SIPA1L1: variants seen among roughly 807,000 people sequenced by gnomAD.
SIPA1L1 encodes signal induced proliferation associated 1 like 1.
A neutral mutation model predicts 162.7 loss-of-function variants in SIPA1L1; 26 were observed. That is an observed-to-expected ratio of 0.16 (90% CI 0.12 to 0.22). SIPA1L1 has a LOEUF of 0.22. SIPA1L1 is among the 10% of genes least tolerant of loss of function. The pLI is 1.00. For missense variants in SIPA1L1, 1,874 were observed against 2,241.0 expected (o/e 0.84, Z 3.31); for synonymous variants, 829 against 837.4 (o/e 0.99, Z 0.17).
chr14:71,619,950 A>G (rs1232565271), intron 6 of SIPA1L1, among the ~76,000 whole-genome samples: 1 of 152,234 alleles, frequency 6.6e-6, no homozygotes, highest in East Asian at 1.9e-4. Context: ...AAAGCTAATC[A>G]TTAAGTGGTG....
At chr14:71,656,331 A>G (rs2043052051) in intron 8 of SIPA1L1, among the ~76,000 whole-genome samples, 2 of 89,598 alleles carry the variant, frequency 2.2e-5, no homozygotes, top group South Asian at 6.7e-4. Context: ...ATGAATACCA[A>G]TGACATTTTT....
chr14:71,326,782 G>C (rs1397988587), intron 2 of SIPA1L1, among the ~76,000 whole-genome samples: 1 of 129,308 alleles, frequency 7.7e-6, no homozygotes, highest in African/African-American at 3.0e-5. Context: ...CACCATCTCT[G>C]CTCACTGCAA....
At chr14:71,547,772 G>C (rs553592566) in intron 4 of SIPA1L1, among the ~76,000 whole-genome samples, 1 of 152,084 alleles carries the variant, frequency 6.6e-6, no homozygotes, top group Admixed American at 6.5e-5. Context: ...ACAGATGCTC[G>C]TGAGCTGCAC....
At chr14:71,726,640 CTG>C (rs1287521456) in intron 19 of SIPA1L1, among the ~76,000 whole-genome samples, 1 of 152,186 alleles carries the variant, frequency 6.6e-6, no homozygotes, top group African/African-American at 2.4e-5. Context: ...TATGTTGTGA[CTG>C]TATTACTGTG....
chr14:71,494,689 G>C (rs2049587393), intron 2 of SIPA1L1, among the ~76,000 whole-genome samples: 1 of 151,884 alleles, frequency 6.6e-6, no homozygotes, highest in African/African-American at 2.4e-5. Context: ...ACCTCATCCA[G>C]CTAATTTTTA....
intron 19 of SIPA1L1, among the ~76,000 whole-genome samples, chr14:71,726,502 T>C (rs2084254216): frequency 6.6e-6 from 1 of 152,250 alleles, no homozygotes; most frequent in Non-Finnish European, 1.5e-5. Context: ...CTTCATTCTT[T>C]TGATTTACTT....
intron 14 of SIPA1L1, among the ~76,000 whole-genome samples, chr14:71,700,066 T>C (rs1222390365): frequency 6.6e-6 from 1 of 152,172 alleles, no homozygotes; most frequent in Non-Finnish European, 1.5e-5. Context: ...ATACAATAAA[T>C]TGGGGATAGG....
intron 12 of SIPA1L1, among the ~76,000 whole-genome samples, chr14:71,677,555 A>G (rs1206076390): frequency 6.6e-6 from 1 of 152,174 alleles, no homozygotes; most frequent in East Asian, 1.9e-4. Flanking sequence ...GCCCTTGCGT[A>G]TGTCCTGAAT....
rs1487779087 is a variant in SIPA1L1 at position 71,735,683 on chromosome 14, C to G, written c.5123+292C>G. ...GGGCAGGTAGGAGAGACCATTTGCT[C>G]TAAGTATTCCTGTGCTCTGTGCTGT... is the stretch of plus-strand genomic sequence containing the variant. On this transcript the variant is annotated intron_variant, in intron 22 of 23. Coordinates refer to ENST00000381232, the MANE Select transcript of SIPA1L1 (RefSeq NM_001386936.1). 1.1e-5 allele frequency: 3 copies of G among 285,220 alleles called. No individual in the cohort carries two copies. In the Admixed American group the frequency reaches 1.5e-4, roughly 14 times the overall value. 17.7% of individuals were successfully genotyped at this position (285,220 alleles called of 1,614,324 possible). A position where few individuals can be genotyped will look rare whatever the true frequency, so the allele number is the denominator to read the frequency against.
At chr14:71,524,702 G>A (rs1015699429) in intron 3 of SIPA1L1, among the ~76,000 whole-genome samples, 1 of 152,114 alleles carries the variant, frequency 6.6e-6, no homozygotes, top group African/African-American at 2.4e-5. Context: ...TCCTGCCTTG[G>A]CCTCTCAAAG....
chr14:71,375,552 CTTT>C (rs1232475312), intron 2 of SIPA1L1, among the ~76,000 whole-genome samples: 2 of 152,042 alleles, frequency 1.3e-5, no homozygotes, highest in African/African-American at 2.4e-5. Context: ...GATTTTACTT[CTTT>C]ATTTCCGATC....
intron 20 of SIPA1L1, among the ~76,000 whole-genome samples, chr14:71,732,450 C>T (rs1223661798): frequency 2.6e-5 from 4 of 152,146 alleles, no homozygotes; most frequent in South Asian, 2.1e-4. Context: ...TCATGAGCGT[C>T]GTTTCCCCTG....
intron 2 of SIPA1L1, among the ~76,000 whole-genome samples, chr14:71,431,592 G>A (rs559929261): frequency 6.6e-6 from 1 of 152,246 alleles, no homozygotes; most frequent in African/African-American, 2.4e-5. Flanking sequence ...TACTTGGGAG[G>A]CTGAGGTGGG....
rs1243680930 is a variant in SIPA1L1, at chr14:71,740,703, A to G, written c.*1542A>G. 2 of 151,920 alleles carry G rather than the reference A, an allele frequency of 1.3e-5. No individual in the cohort carries two copies. Among genetic ancestry groups the G allele is most frequent in the African/African-American group, 2.4e-5 (1 of 41,342 alleles). 9.4% of individuals were successfully genotyped at this position (151,920 alleles called of 1,614,324 possible). A position where few individuals can be genotyped will look rare whatever the true frequency, so the allele number is the denominator to read the frequency against. On this transcript the variant is annotated 3_prime_UTR_variant, in exon 24 of 24. Transcript: ENST00000381232. ...TTTCATTCTTGATTGTGATTTCTCCATGGAATTTTTTTTTTCTGGTGACAT... is the reference window on the plus strand; with the variant it reads ...TTTCATTCTTGATTGTGATTTCTCCGTGGAATTTTTTTTTTCTGGTGACAT...
intron 2 of SIPA1L1, among the ~76,000 whole-genome samples, chr14:71,495,328 T>A (rs2143017642): frequency 6.6e-6 from 1 of 152,150 alleles, no homozygotes; most frequent in South Asian, 2.1e-4. Flanking sequence ...TTTCTGTTTC[T>A]TCTTGAGTTG....
At chr14:71,419,810 T>G (rs1243935595) in intron 2 of SIPA1L1, among the ~76,000 whole-genome samples, 2 of 152,144 alleles carry the variant, frequency 1.3e-5, no homozygotes, top group East Asian at 3.9e-4. Flanking sequence ...GAGGATCTCT[T>G]GAGGCAAAGA....
At position 71,672,639 on chromosome 14, in the gene SIPA1L1, A is replaced by G. The variant is rs200038992; in HGVS notation, c.3104+17A>G. 31 of 1,608,890 alleles carry G rather than the reference A, an allele frequency of 1.9e-5. No homozygotes were observed. Among genetic ancestry groups the G allele is most frequent in the Admixed American group, 3.3e-5 (2 of 59,922 alleles). On this transcript the variant is annotated intron_variant, in intron 12 of 23. Transcript: ENST00000381232. ...CCCGCGGAGGTAGGTCTGAGGAGACAGCTGTGGGCCTGAGACTCGAGTGCA... is the reference window on the plus strand; with the variant it reads ...CCCGCGGAGGTAGGTCTGAGGAGACGGCTGTGGGCCTGAGACTCGAGTGCA...
chr14:71,349,371 T>G (rs2036475390), intron 2 of SIPA1L1, among the ~76,000 whole-genome samples: 1 of 152,134 alleles, frequency 6.6e-6, no homozygotes, highest in African/African-American at 2.4e-5. Flanking sequence ...GAGAATTCCT[T>G]TATGACCATG....
At chr14:71,373,754 T>G (rs181657444) in intron 2 of SIPA1L1, among the ~76,000 whole-genome samples, 100 of 152,144 alleles carry the variant, frequency 6.6e-4, no homozygotes, top group African/African-American at 2.4e-3. Context: ...GATACCTTTG[T>G]GATTTGAAAG....
Sources: gnomAD v4.1 joint callset for allele counts (sites outside exome capture counted in the v4.1 genomes callset) on GRCh38, gnomAD v4.1.1 for gene constraint, MANE v1.5 for transcripts, NCBI Gene and HGNC (gene_info 2026-07-23, HGNC 2026-07-21) for gene names.